ATP11A: variants seen among roughly 807,000 people sequenced by gnomAD.
ATP11A encodes phospholipid-transporting ATPase IH.
Under a neutral mutation model 154.4 loss-of-function variants are expected in ATP11A, and 81 were observed. The observed-to-expected ratio is 0.52, with a 90% confidence interval of 0.44 to 0.63. ATP11A has a LOEUF of 0.63. Among genes scored for constraint, ATP11A ranks in the 30% least tolerant of loss-of-function variants. The pLI is 0.00. For synonymous variants in ATP11A, 623 were observed against 585.9 expected, an observed-to-expected ratio of 1.06 and a Z score of -0.91; for missense variants, 1,316 against 1,474.3, an observed-to-expected ratio of 0.89 and a Z score of 1.76.
At chr13:112,824,702 C>T (rs1165981237) in intron 10 of ATP11A, among the ~76,000 whole-genome samples, 1 of 152,186 alleles carries the variant, frequency 6.6e-6, no homozygotes, top group Admixed American at 6.5e-5. Context: ...GTTCAGTATC[C>T]AACAGCTCCT....
chr13:112,743,452 C>T (rs996484333), intron 1 of ATP11A, among the ~76,000 whole-genome samples: 28 of 147,830 alleles, frequency 1.9e-4, no homozygotes, highest in African/African-American at 7.4e-4. Flanking sequence ...GTTGTAGGTT[C>T]CTGCTACAGT....
chr13:112,758,494 G>C (rs1158619098), intron 1 of ATP11A, among the ~76,000 whole-genome samples: 1 of 151,548 alleles, frequency 6.6e-6, no homozygotes, highest in Non-Finnish European at 1.5e-5. Flanking sequence ...CACAATCTCG[G>C]CTCACTGCAA....
intron 1 of ATP11A, among the ~76,000 whole-genome samples, chr13:112,713,883 G>A (rs1291708194): frequency 6.6e-6 from 1 of 151,760 alleles, no homozygotes; most frequent in Non-Finnish European, 1.5e-5. Context: ...TTCCATTCCT[G>A]GCCCCAGCCT....
intron 1 of ATP11A, among the ~76,000 whole-genome samples, chr13:112,720,413 C>T (rs189697416): frequency 3.3e-4 from 51 of 152,328 alleles, no homozygotes; most frequent in East Asian, 1.3e-3. Flanking sequence ...AACCCACGCC[C>T]GACGCGCAGG....
At position 112,875,690 on chromosome 13, in the gene ATP11A, C is replaced by A; in HGVS notation, c.3162-86C>A. ...TCTCACTGACAAAAGTGTAAACTCC[C>A]TGAACAGACGGCCTCTCCAGTGAGT... On this transcript the variant is annotated intron_variant, in intron 27 of 29. Transcript: ENST00000375645. The surrounding 1 kb of genome is among the most constrained non-coding windows in gnomAD (Gnocchi z 4.1). 1 of 1,464,648 alleles carries A rather than the reference C, an allele frequency of 6.8e-7. No homozygotes were observed. The highest frequency in any genetic ancestry group is 9.3e-7 in the Non-Finnish European group (1 of 1,076,168). The allele number at this position is 1,464,648 out of a possible 1,614,324, so 90.7% of individuals were successfully genotyped here.
chr13:112,880,306 A>C (rs2080846432), intron 29 of ATP11A: 2 of 182,840 alleles, frequency 1.1e-5, no homozygotes, highest in East Asian at 3.3e-4. Context: ...CCCGTCCCTG[A>C]GCCTGTCGCT....
rs1249545445 is a variant in ATP11A at position 112,882,969 on chromosome 13, T to G, written c.*1103T>G. On this transcript the variant is annotated 3_prime_UTR_variant, in exon 30 of 30. Coordinates refer to ENST00000375645, the MANE Select transcript of ATP11A (RefSeq NM_015205.3). This position sits in a 1 kb window ranked among gnomAD's most constrained non-coding sequence, Gnocchi z 5.1. ...CCGCACCTCTGCCCGCCTCCCGCAC[T>G]GCAGCTCCGCCCGCCGGGCTCTGCG... The G allele has an allele frequency of 2.5e-6, 1 of 399,064 alleles. No individual in the cohort carries two copies. Among genetic ancestry groups the G allele is most frequent in the East Asian group, 3.6e-5 (1 of 28,080 alleles). 24.7% of individuals were successfully genotyped at this position (399,064 alleles called of 1,614,324 possible). A position where few individuals can be genotyped will look rare whatever the true frequency, so the allele number is the denominator to read the frequency against.
intron 1 of ATP11A, among the ~76,000 whole-genome samples, chr13:112,701,196 C>G (rs1005751827): frequency 2.0e-5 from 3 of 152,220 alleles, no homozygotes; most frequent in South Asian, 4.1e-4. Flanking sequence ...TCCCCTGCAA[C>G]AGCGACCCAT....
rs2080851651 is a variant in ATP11A at position 112,880,465 on chromosome 13, C to T, written c.*10-1411C>T. 7.0e-6 allele frequency: 8 copies of T among 1,147,270 alleles called. No homozygotes were observed. The South Asian group carries it at 1.0e-4, about 15-fold the overall frequency. 71.1% of individuals were successfully genotyped at this position (1,147,270 alleles called of 1,614,324 possible). A position where few individuals can be genotyped will look rare whatever the true frequency, so the allele number is the denominator to read the frequency against. Reference sequence around the variant, plus strand: ...CGAGCCTCTTCCTGCTGGGGTCCCACGGATGGTGCAGGCAGAGGCCCGAGC... The same window carrying T: ...CGAGCCTCTTCCTGCTGGGGTCCCATGGATGGTGCAGGCAGAGGCCCGAGC... On this transcript the variant is annotated intron_variant, in intron 29 of 29. Transcript: ENST00000375645.
chr13:112,737,961 G>A (rs1891165817), intron 1 of ATP11A, among the ~76,000 whole-genome samples: 1 of 152,180 alleles, frequency 6.6e-6, no homozygotes, highest in Non-Finnish European at 1.5e-5. Context: ...AGAGTTCACA[G>A]GTCCTCTCCC....
rs932469026 is a variant in ATP11A at position 112,838,046 on chromosome 13, A to G, written c.1705+1795A>G. Among the ~76,000 whole-genome samples the G allele has an allele frequency of 6.6e-6, 1 of 152,124 alleles. No individual in the cohort carries two copies. Among genetic ancestry groups the G allele is most frequent in the Non-Finnish European group, 1.5e-5 (1 of 68,010 alleles). ...TGGGATGAATCCAGGCTCCACAGTG[A>G]GATGTCTACTGATGGTCATAGGATG... is the stretch of plus-strand genomic sequence containing the variant. On this transcript the variant is annotated intron_variant, in intron 16 of 29. Transcript: ENST00000375645. The surrounding 1 kb of genome is among the most constrained non-coding windows in gnomAD (Gnocchi z 7.3).
intron 17 of ATP11A, among the ~76,000 whole-genome samples, chr13:112,848,128 A>G (rs933564968): frequency 6.6e-6 from 1 of 152,166 alleles, no homozygotes; most frequent in Non-Finnish European, 1.5e-5. Flanking sequence ...GGGAAGAGCC[A>G]TTGGGATGTT....
chr13:112,715,409 CT>C (rs1888319316), intron 1 of ATP11A, among the ~76,000 whole-genome samples: 12 of 117,068 alleles, frequency 1.0e-4, no homozygotes, highest in African/African-American at 1.6e-4. Context: ...CCTGGCCCAC[CT>C]CCCCACACCT....
intron 1 of ATP11A, among the ~76,000 whole-genome samples, chr13:112,735,689 T>A: frequency 6.6e-6 from 1 of 152,140 alleles, no homozygotes; most frequent in Admixed American, 6.5e-5. Context: ...GGGCTTAGAA[T>A]CCTGCACCGT....
Position 112,857,907 on chromosome 13 carries a change from G to A in ATP11A, c.2508G>A (p.Ala836=), listed in dbSNP as rs141765090. ...GANDVSMILE[A]HVGIGVIGKE... is the part of the protein sequence containing the mutation. Reference sequence around the variant, plus strand: ...ATGATGTCAGCATGATTCTGGAAGCGCACGTGGGCATAGGTGAGCTTCGTC... The same window carrying A: ...ATGATGTCAGCATGATTCTGGAAGCACACGTGGGCATAGGTGAGCTTCGTC... The change falls in exon 21 of 30, where the codon GCG becomes GCA. Residue 836 remains alanine (A), a synonymous_variant. Transcript: ENST00000375645. 6.4e-5 allele frequency: 103 copies of A among 1,614,064 alleles called. No homozygotes were observed. Among genetic ancestry groups the A allele is most frequent in the South Asian group, 2.7e-4 (25 of 91,088 alleles).
intron 1 of ATP11A, among the ~76,000 whole-genome samples, chr13:112,751,416 T>C (rs1363909542): frequency 1.3e-5 from 2 of 152,092 alleles, no homozygotes; most frequent in Non-Finnish European, 2.9e-5. Flanking sequence ...ACCCAGCACT[T>C]TGGGAGGCTG....
rs777620907 is a variant in ATP11A, at chr13:112,805,026, C to T, written c.232C>T (p.Leu78Phe). Residue 78 changes from leucine to phenylalanine, a missense_variant, in exon 3 of 30, where the codon CTT (leucine) becomes TTT (phenylalanine). Physicochemically the swap from Leu to Phe is conservative, Grantham distance 22. Around this residue, in one of 5 missense-constraint regions of ATP11A, gnomAD observed 123 missense variants for 113.7 expected, o/e 1.08. Transcript: ENST00000375645. ...QFRRVANFYF[L>F]IIFLVQLIID... ...CAGAAGAGTAGCCAACTTTTATTTC[C>T]TTATCATATTTCTGGTGCAGGTAAG... 3 of 1,610,344 alleles carry T rather than the reference C, an allele frequency of 1.9e-6. No individual in the cohort carries two copies. Among genetic ancestry groups the T allele is most frequent in the Non-Finnish European group, 2.5e-6 (3 of 1,178,270 alleles).
chr13:112,883,813 T>C lies in ATP11A; in HGVS notation c.*1947T>C, dbSNP rs1483805324. 1.3e-5 allele frequency: 2 copies of C among 152,530 alleles called. No individual in the cohort carries two copies. Among genetic ancestry groups the C allele is most frequent in the Non-Finnish European group, 2.9e-5 (2 of 68,040 alleles). The allele number at this position is 152,530 out of a possible 1,614,324, so 9.4% of individuals were successfully genotyped here. A position where few individuals can be genotyped will look rare whatever the true frequency, so the allele number is the denominator to read the frequency against. ...CTGCCCACGCTGCCCCCGCAAACAATGGTGTGTGCGTTTTTACAGCCCTTT... is the reference window on the plus strand; with the variant it reads ...CTGCCCACGCTGCCCCCGCAAACAACGGTGTGTGCGTTTTTACAGCCCTTT... On this transcript the variant is annotated 3_prime_UTR_variant, in exon 30 of 30. Transcript: ENST00000375645.
At chr13:112,792,170 G>T (rs1479687252) in intron 2 of ATP11A, among the ~76,000 whole-genome samples, 1 of 152,142 alleles carries the variant, frequency 6.6e-6, no homozygotes, top group Non-Finnish European at 1.5e-5. Flanking sequence ...TTTGCTAATG[G>T]AACTCAGGAA....
Sources: gnomAD v4.1 joint callset for allele counts (sites outside exome capture counted in the v4.1 genomes callset) on GRCh38, gnomAD v4.1.1 for gene constraint, gnomAD v4.1.1 regional missense constraint, Gnocchi (gnomAD v3.1) non-coding constraint, MANE v1.5 for transcripts, NCBI Gene and HGNC (gene_info 2026-07-23, HGNC 2026-07-21) for gene names.